Variants in ITGAV observed in about 807,000 individuals in gnomAD.
ITGAV encodes integrin alpha-V.
In ITGAV, 76 loss-of-function variants were observed where a neutral mutation model predicts 143.8. The ratio of observed to expected loss-of-function variants is 0.53; its 90% CI spans 0.44 to 0.64. The LOEUF (loss-of-function observed/expected upper bound fraction) is 0.64, where lower values mean the gene tolerates loss of function less well. Among genes scored for constraint, ITGAV ranks in the 30% least tolerant of loss-of-function variants. ITGAV has a pLI of 0.00. For missense variants in ITGAV, 1,193 were observed against 1,274.7 expected (o/e 0.94, Z 0.98); for synonymous variants, 453 against 446.7 (o/e 1.01, Z -0.18).
At chr2:186,662,516 T>C (rs1195955653) in intron 18 of ITGAV, among the ~76,000 whole-genome samples, 1 of 152,230 alleles carries the variant, frequency 6.6e-6, no homozygotes, top group Non-Finnish European at 1.5e-5. Context: ...CGTTAAAAGC[T>C]GATGCTTAAT....
chr2:186,656,551 C>A, intron 17 of ITGAV, 150 bp downstream of exon 17: 1 of 568,258 alleles, frequency 1.8e-6, no homozygotes, highest in Non-Finnish European at 2.9e-6. Context: ...AGTGTCATAC[C>A]TGAATGATGG....
At chr2:186,620,996 A>G (rs1687504410) in intron 2 of ITGAV, among the ~76,000 whole-genome samples, 1 of 152,212 alleles carries the variant, frequency 6.6e-6, no homozygotes, top group South Asian at 2.1e-4. Flanking sequence ...TAGGATAGAT[A>G]CTAATGTGTT....
intron 12 of ITGAV, among the ~76,000 whole-genome samples, chr2:186,645,222 G>A (rs146754501): frequency 2.0e-5 from 3 of 152,166 alleles, no homozygotes; most frequent in South Asian, 2.1e-4. Context: ...GGGGTCGAGA[G>A]GGGTGGTGCA....
At chr2:186,669,564 A>T in intron 25 of ITGAV, 137 bp from the exon 26 acceptor site, 1 of 644,160 alleles carries the variant, frequency 1.6e-6, no homozygotes, top group Non-Finnish European at 2.7e-6. Context: ...CTCACTATAT[A>T]CTGAGTGGTA....
At chr2:186,650,905 TA>T (rs1405672228) in intron 14 of ITGAV, among the ~76,000 whole-genome samples, 2 of 152,202 alleles carry the variant, frequency 1.3e-5, no homozygotes, top group African/African-American at 4.8e-5. Context: ...TTAATCTCTC[TA>T]AAAATTGTCT....
chr2:186,639,911 G>A (rs1574483985), intron 10 of ITGAV, among the ~76,000 whole-genome samples: 1 of 152,062 alleles, frequency 6.6e-6, no homozygotes, highest in African/African-American at 2.4e-5. Flanking sequence ...CATCAACCTT[G>A]TACCCCAAAC....
chr2:186,679,000 A>C lies in ITGAV; in HGVS notation c.*1708A>C. 4.0e-6 allele frequency: 1 copy of C among 248,554 alleles called. No homozygotes were observed. Among genetic ancestry groups the C allele is most frequent in the Non-Finnish European group, 7.9e-6 (1 of 126,646 alleles). 15.4% of individuals were successfully genotyped at this position (248,554 alleles called of 1,614,324 possible). The stretch of plus-strand genomic sequence containing the variant: ...AGACAAAACCTTCTATTTTAGCTTT[A>C]GTGAATTTCAAAAGTAATGGGTCTT... On this transcript the variant is annotated 3_prime_UTR_variant, in exon 30 of 30. Coordinates refer to ENST00000261023, the MANE Select transcript of ITGAV (RefSeq NM_002210.5).
intron 22 of ITGAV, 45 bp downstream of exon 22, chr2:186,666,828 TA>T: frequency 9.5e-7 from 1 of 1,054,686 alleles, no homozygotes; most frequent in Non-Finnish European, 1.4e-6. Flanking sequence ...AAATAAATAT[TA>T]TTTGTTGTAA....
intron 12 of ITGAV, among the ~76,000 whole-genome samples, chr2:186,642,276 G>A (rs1327900944): frequency 6.6e-6 from 1 of 151,926 alleles, no homozygotes; most frequent in Non-Finnish European, 1.5e-5. Flanking sequence ...TCACAGAATG[G>A]ATAGTTGAAC....
At chr2:186,603,114 C>T (rs527750040) in intron 2 of ITGAV, among the ~76,000 whole-genome samples, 10 of 152,116 alleles carry the variant, frequency 6.6e-5, no homozygotes, top group East Asian at 3.9e-4. Flanking sequence ...GAATTCTGTA[C>T]GCATTTATAT....
chr2:186,651,829 A>T (rs181826721), intron 14 of ITGAV, among the ~76,000 whole-genome samples, 153 bp from the exon 15 acceptor site: 1 of 152,344 alleles, frequency 6.6e-6, no homozygotes, highest in African/African-American at 2.4e-5. Context: ...TTGATCACCT[A>T]CGGTTATGTT....
intron 29 of ITGAV, 110 bp downstream of exon 29, chr2:186,677,045 T>C: frequency 1.6e-6 from 2 of 1,241,534 alleles, no homozygotes; most frequent in Non-Finnish European, 2.3e-6. Flanking sequence ...ACTGTAATGA[T>C]GATACTTGAT....
chr2:186,639,129 TA>T (rs1553502435), intron 10 of ITGAV, among the ~76,000 whole-genome samples: 1 of 152,118 alleles, frequency 6.6e-6, no homozygotes, highest in African/African-American at 2.4e-5. Context: ...ATTTCTCAGC[TA>T]AAAAAATGCT....
intron 2 of ITGAV, among the ~76,000 whole-genome samples, chr2:186,612,455 C>T (rs1687241857): frequency 6.6e-6 from 1 of 151,712 alleles, no homozygotes; most frequent in Admixed American, 6.6e-5. Flanking sequence ...CTGTTTCTGT[C>T]ATACAGAAGG....
intron 1 of ITGAV, among the ~76,000 whole-genome samples, 174 bp downstream of exon 1, chr2:186,590,697 T>A (rs1686592657): frequency 6.6e-6 from 1 of 152,162 alleles, no homozygotes; most frequent in Admixed American, 6.5e-5. Context: ...GGAAATGAAC[T>A]CCCTTTGGTA....
intron 4 of ITGAV, among the ~76,000 whole-genome samples, chr2:186,626,914 AT>A (rs1687691137): frequency 6.6e-6 from 1 of 152,180 alleles, no homozygotes; most frequent in Non-Finnish European, 1.5e-5. Context: ...TGAAGATTAA[AT>A]TTGTATTTTT....
chr2:186,669,744 G>T lies in ITGAV; in HGVS notation c.2636G>T (p.Gly879Val). The T allele has an allele frequency of 6.2e-7, 1 of 1,614,010 alleles. No individual in the cohort carries two copies. Among genetic ancestry groups the T allele is most frequent in the South Asian group, 1.1e-5 (1 of 91,048 alleles). The change falls in exon 26 of 30, where the codon GGG (glycine) becomes GTG (valine). Residue 879 changes from glycine (G) to valine (V), a missense_variant. Physicochemically the swap from Gly to Val is moderately radical, Grantham distance 109 (BLOSUM62 -3). Transcript: ENST00000261023. The part of the protein sequence containing the change: ...QTTEKNDTVA[G>V]QGERDHLITK... Reference sequence around the variant, plus strand: ...ACTGAAAAGAATGACACGGTTGCCGGGCAAGGTGAGCGGGACCATCTCATC... The same window carrying T: ...ACTGAAAAGAATGACACGGTTGCCGTGCAAGGTGAGCGGGACCATCTCATC...
rs371839747 is a variant in ITGAV, at chr2:186,622,412, G to A, written c.390G>A (p.Ser130=). Residue 130 remains serine, a synonymous_variant, in exon 3 of 30, where the codon TCG becomes TCA. Transcript: ENST00000261023. ...AGTGGTTTGGAGCATCTGTGAGGTC[G>A]AAACAGGATAAAATTTTGGTGAGTC... ...SHQWFGASVR[S]KQDKILACAP... The A allele has an allele frequency of 2.8e-5, 45 of 1,612,236 alleles. No individual in the cohort carries two copies. Among genetic ancestry groups the A allele is most frequent in the Middle Eastern group, 1.6e-4 (1 of 6,084 alleles).
At chr2:186,618,890 T>C (rs887107307) in intron 2 of ITGAV, among the ~76,000 whole-genome samples, 6 of 152,048 alleles carry the variant, frequency 3.9e-5, no homozygotes, top group Non-Finnish European at 7.4e-5. Context: ...GATCTGGCAA[T>C]CCCACTACTA....
Sources: gnomAD v4.1 joint callset for allele counts (sites outside exome capture counted in the v4.1 genomes callset) on GRCh38, gnomAD v4.1.1 for gene constraint, MANE v1.5 for transcripts, NCBI Gene and HGNC (gene_info 2026-07-23, HGNC 2026-07-21) for gene names.